Variants in NAV1 observed in about 807,000 individuals in gnomAD.
NAV1 encodes the protein neuron navigator 1.
A neutral mutation model predicts 175.2 loss-of-function variants in NAV1; 18 were observed. The observed-to-expected ratio is 0.10, with a 90% CI of 0.07 to 0.15. The LOEUF (loss-of-function observed/expected upper bound fraction) is 0.15. NAV1 is among the 10% of genes least tolerant of loss of function. The probability of loss-of-function intolerance (pLI) is 1.00; values close to 1 mark genes in which losing one functional copy is unlikely to be tolerated. For synonymous variants in NAV1, 897 were observed against 978.7 expected, an observed-to-expected ratio of 0.92 and a Z score of 1.56; for missense variants, 1,731 against 2,436.6, an observed-to-expected ratio of 0.71 and a Z score of 6.10.
At chr1:201,825,589 C>T (rs972871714) in exon 30 of NAV1, 1 of 152,342 alleles carries the variant, frequency 6.6e-6, no homozygotes, top group African/African-American at 2.4e-5. Flanking sequence ...CCTCTCTTTT[C>T]CCCACAGCAG....
chr1:201,758,021 C>G (rs1228192440), intron 3 of NAV1, among the ~76,000 whole-genome samples: 1 of 152,214 alleles, frequency 6.6e-6, no homozygotes, highest in Non-Finnish European at 1.5e-5. Flanking sequence ...TATGGTGGCC[C>G]CACTTGTGGG....
chr1:201,644,753 A>T (rs1357589156), upstream of NAV1, among the ~76,000 whole-genome samples: 1 of 152,216 alleles, frequency 6.6e-6, no homozygotes, highest in South Asian at 2.1e-4. Flanking sequence ...CTCTTCTCAA[A>T]AGAAGCAGAA....
At chr1:201,640,179 A>G (rs1328451082) in intron 2 of NAV1, among the ~76,000 whole-genome samples, 1 of 152,124 alleles carries the variant, frequency 6.6e-6, no homozygotes, top group Non-Finnish European at 1.5e-5. Flanking sequence ...CACACACCTG[A>G]TCTGTAGCCC....
At chr1:201,587,546 C>T (rs1667071384) in intron 1 of NAV1, among the ~76,000 whole-genome samples, 1 of 151,814 alleles carries the variant, frequency 6.6e-6, no homozygotes, top group African/African-American at 2.4e-5. Flanking sequence ...ATTAGCCAGG[C>T]ATGGTGGTGT....
Position 201,544,990 on chromosome 1 carries a change from A to G in NAV1, c.-144+5648A>G, listed in dbSNP as rs1026975760. Among the ~76,000 whole-genome samples, 82 of 152,224 alleles carry G rather than the reference A, an allele frequency of 5.4e-4. 1 individual carries two copies. Among genetic ancestry groups the G allele is most frequent in the Non-Finnish European group, 7.3e-5 (5 of 68,028 alleles). On this transcript the variant is annotated intron_variant, in intron 1 of 33. Transcript: ENST00000685211. ...ACCTGAAGTCCTTAGCGAGATGAGC[A>G]TTTAGGAAATATTGGCAATTGAAAT...
intron 13 of NAV1, chr1:201,791,595 T>C (rs1360654533): frequency 1.3e-5 from 2 of 152,280 alleles, no homozygotes; most frequent in African/African-American, 4.8e-5. Flanking sequence ...AGTAACCATG[T>C]CTGCAATTTC....
chr1:201,713,180 G>C (rs1343959729), intron 2 of NAV1, among the ~76,000 whole-genome samples: 3 of 152,238 alleles, frequency 2.0e-5, no homozygotes, highest in African/African-American at 4.8e-5. Flanking sequence ...GAGCCAGGAA[G>C]TGGAAGCCAT....
At chr1:201,696,954 C>T (rs1186627326) in intron 1 of NAV1, among the ~76,000 whole-genome samples, 2 of 152,222 alleles carry the variant, frequency 1.3e-5, no homozygotes, top group Non-Finnish European at 2.9e-5. Flanking sequence ...TCCCTTCTTG[C>T]CTCAGAACAT....
At chr1:201,728,727 A>G (rs943774371) in intron 3 of NAV1, among the ~76,000 whole-genome samples, 13 of 152,086 alleles carry the variant, frequency 8.5e-5, no homozygotes, top group Non-Finnish European at 1.6e-4. Flanking sequence ...AACCTCCCAA[A>G]GTGCTAAGAT....
upstream of NAV1, among the ~76,000 whole-genome samples, chr1:201,622,720 C>T (rs541667962): frequency 3.3e-5 from 5 of 152,240 alleles, no homozygotes; most frequent in South Asian, 6.2e-4. Flanking sequence ...AGTCACAATG[C>T]GAACCAGGAG....
At chr1:201,766,443 A>G (rs1675214871) in intron 3 of NAV1, among the ~76,000 whole-genome samples, 1 of 152,244 alleles carries the variant, frequency 6.6e-6, no homozygotes, top group Non-Finnish European at 1.5e-5. Context: ...GTACTTGAAC[A>G]GAATGTTGGT....
At chr1:201,662,916 G>T (rs1669668484) in intron 1 of NAV1, among the ~76,000 whole-genome samples, 1 of 73,606 alleles carries the variant, frequency 1.4e-5, no homozygotes, top group Non-Finnish European at 2.9e-5. Flanking sequence ...AAACAAAAGG[G>T]AGAGTTTATT....
chr1:201,810,778 C>T lies in NAV1; in HGVS notation c.4797+20C>T, dbSNP rs1678645083. 1 of 1,595,456 alleles carries T rather than the reference C, an allele frequency of 6.3e-7. No individual in the cohort carries two copies. The highest frequency in any genetic ancestry group is 1.3e-5 in the African/African-American group (1 of 74,556). ...TGCAAGGTGGCTGCCCCCCGACACC[C>T]CTGCCAGCCTTTGTTCATGCCTCAG... On this transcript the variant is annotated intron_variant, in intron 24 of 29. Transcript: ENST00000367296. This position sits in a 1 kb window ranked among gnomAD's most constrained non-coding sequence, Gnocchi z 6.0.
In NAV1 at chr1:201,751,838, C is replaced by T. The variant is rs565066150; in HGVS notation, c.1227-28583C>T. Among the ~76,000 whole-genome samples, 63 of 152,306 alleles carry T rather than the reference C, an allele frequency of 4.1e-4. 1 individual carries two copies. The highest frequency in any genetic ancestry group is 1.4e-3 in the African/African-American group (58 of 41,562). On this transcript the variant is annotated intron_variant, in intron 3 of 29. Transcript: ENST00000367296. Reference sequence around the variant, plus strand: ...GTGGCTTTTTACCTTGCCTGAACACCTGTGTATGGTTTGTTTCTCTGGAAT... The same window carrying T: ...GTGGCTTTTTACCTTGCCTGAACACTTGTGTATGGTTTGTTTCTCTGGAAT...
Position 201,785,317 on chromosome 1 carries a change from C to T in NAV1, c.2812C>T (p.Arg938Trp), listed in dbSNP as rs370373937. 2.2e-5 allele frequency: 35 copies of T among 1,603,520 alleles called. No homozygotes were observed. The highest frequency in any genetic ancestry group is 4.4e-5 in the South Asian group (4 of 90,548). ...TTTTTTTTATCTCCACAGTAATCAG[C>T]GGGATCGGAACACTCTTCCCAAGAA... The change falls in exon 8 of 30, where the codon CGG (arginine) becomes TGG (tryptophan). Residue 938 changes from arginine (R) to tryptophan (W), a missense_variant. By Grantham distance (101) the Arg-to-Trp change is moderately radical. Coordinates refer to ENST00000367296, the Ensembl canonical transcript of NAV1.
rs114707149 is a variant in NAV1, at chr1:201,561,923, C to T, written c.-144+22581C>T. Among the ~76,000 whole-genome samples the T allele has an allele frequency of 4.4e-3, 677 of 152,336 alleles. 8 individuals carry two copies. The highest frequency in any genetic ancestry group is 0.015 in the African/African-American group (625 of 41,568). On this transcript the variant is annotated intron_variant, in intron 1 of 33. Coordinates refer to the NAV1 transcript ENST00000685211. ...AGACTATCAATGGTTGGAACAAAGGCACCCAGTTAGGTTTAGGTTTGAGAA... is the reference window on the plus strand; with the variant it reads ...AGACTATCAATGGTTGGAACAAAGGTACCCAGTTAGGTTTAGGTTTGAGAA...
At chr1:201,642,356 T>G (rs368054574) in intron 2 of NAV1, among the ~76,000 whole-genome samples, 6 of 151,050 alleles carry the variant, frequency 4.0e-5, no homozygotes, top group East Asian at 3.9e-4. Context: ...GGGACTACAG[T>G]CGCCCGCCAC....
chr1:201,704,274 G>A (rs1671566928), intron 1 of NAV1, among the ~76,000 whole-genome samples: 1 of 152,244 alleles, frequency 6.6e-6, no homozygotes, highest in Admixed American at 6.5e-5. Flanking sequence ...AGGAGACTGA[G>A]GGAGAGAGAC....
intron 2 of NAV1, among the ~76,000 whole-genome samples, chr1:201,715,460 G>A (rs975152091): frequency 3.3e-5 from 5 of 151,960 alleles, no homozygotes; most frequent in Non-Finnish European, 7.4e-5. Flanking sequence ...ACGCCCTGCC[G>A]GCTCTTTTAC....
Sources: gnomAD v4.1 joint callset for allele counts (sites outside exome capture counted in the v4.1 genomes callset) on GRCh38, gnomAD v4.1.1 for gene constraint, Gnocchi (gnomAD v3.1) non-coding constraint, MANE v1.5 for transcripts, NCBI Gene and HGNC (gene_info 2026-07-23, HGNC 2026-07-21) for gene names.